Variants in SLC30A8 observed in about 807,000 individuals in gnomAD.
SLC30A8 encodes solute carrier family 30 member 8.
Under a neutral mutation model 36.9 loss-of-function variants are expected in SLC30A8, and 27 were observed. The ratio of observed to expected loss-of-function variants is 0.73; its 90% confidence interval spans 0.54 to 1.01. The LOEUF (loss-of-function observed/expected upper bound fraction) is 1.01, where lower values mean the gene tolerates loss of function less well. SLC30A8 is among the 50% of genes least tolerant of loss of function. The pLI is 0.00. For synonymous variants in SLC30A8, 164 were observed against 172.4 expected (o/e 0.95, Z 0.38); for missense variants, 439 against 452.0 (o/e 0.97, Z 0.26).
At chr8:116,979,063 C>T (rs1383150114) in intron 1 of SLC30A8, among the ~76,000 whole-genome samples, 2 of 150,970 alleles carry the variant, frequency 1.3e-5, no homozygotes, top group African/African-American at 4.9e-5. Context: ...ATGATGAAAC[C>T]CCGTCTCTAC....
chr8:117,054,253 C>T lies in SLC30A8; in HGVS notation c.-226+14995C>T, dbSNP rs548398703. Among the ~76,000 whole-genome samples, 25 of 152,008 alleles carry T rather than the reference C, an allele frequency of 1.6e-4. No homozygotes were observed. In the South Asian group the frequency reaches 4.6e-3, roughly 28 times the overall value. ...AGCTGGGACGACAGGCGTGTGGTAC[C>T]GCACCTGGCTATTTTTAAATTTTTT... On this transcript the variant is annotated intron_variant, in intron 2 of 10. Coordinates refer to the SLC30A8 transcript ENST00000427715.
intron 1 of SLC30A8, among the ~76,000 whole-genome samples, chr8:117,022,199 CA>C (rs5894361): frequency 0.53 from 74,101 of 140,960 alleles, 20,044 homozygotes; most frequent in African/African-American, 0.74. Flanking sequence ...GACTCCGTCT[CA>C]AAAAAAAAAA....
intron 1 of SLC30A8, among the ~76,000 whole-genome samples, chr8:117,139,526 A>C (rs1193168669): frequency 1.3e-5 from 2 of 152,142 alleles, no homozygotes; most frequent in Non-Finnish European, 2.9e-5. Context: ...TAAGCCACAC[A>C]GTCTGTGGTA....
intron 1 of SLC30A8, among the ~76,000 whole-genome samples, chr8:116,987,896 A>G (rs956202965): frequency 6.6e-6 from 1 of 152,078 alleles, no homozygotes; most frequent in Admixed American, 6.6e-5. Flanking sequence ...ATGGGGTTTT[A>G]CCATGTTGGC....
chr8:117,041,717 T>A (rs1253534567), intron 2 of SLC30A8, among the ~76,000 whole-genome samples: 1 of 151,734 alleles, frequency 6.6e-6, no homozygotes, highest in Non-Finnish European at 1.5e-5. Flanking sequence ...ATAAAAAAAA[T>A]TCTGATGGTT....
intron 1 of SLC30A8, among the ~76,000 whole-genome samples, chr8:116,979,690 G>T (rs6469666): frequency 6.6e-6 from 1 of 152,202 alleles, no homozygotes; most frequent in East Asian, 1.9e-4. Flanking sequence ...AACGCAAGTG[G>T]ATTCTTCATG....
intron 2 of SLC30A8, among the ~76,000 whole-genome samples, chr8:117,090,258 G>T (rs1237722408): frequency 3.9e-5 from 6 of 152,114 alleles, no homozygotes; most frequent in Admixed American, 2.0e-4. Flanking sequence ...CACTGCACCT[G>T]GCCAACTCCT....
At position 117,174,375 on chromosome 8, in the gene SLC30A8, A is replaced by AAATC. The variant is rs1285676583; in HGVS notation, c.*1700_*1703dup. On this transcript the variant is annotated 3_prime_UTR_variant, in exon 8 of 8. Transcript: ENST00000456015. Reference sequence around the variant, plus strand: ...GAGGTCACATCTGTGCCATCTCTGCAAATCAATCAGCACCACTGAAATAAC... The same window carrying AAATC: ...GAGGTCACATCTGTGCCATCTCTGCAAATCAATCAATCAGCACCACTGAAATAAC... The AAATC allele has an allele frequency of 2.0e-5, 3 of 152,690 alleles. No individual in the cohort carries two copies. Among genetic ancestry groups the AAATC allele is most frequent in the East Asian group, 1.9e-4 (1 of 5,160 alleles). The allele number at this position is 152,690 out of a possible 1,614,324, so 9.5% of individuals were successfully genotyped here. A position where few individuals can be genotyped will look rare whatever the true frequency, so the allele number is the denominator to read the frequency against.
At chr8:117,154,873 A>C (rs903128560) in intron 3 of SLC30A8, among the ~76,000 whole-genome samples, 1 of 152,162 alleles carries the variant, frequency 6.6e-6, no homozygotes, top group Non-Finnish European at 1.5e-5. Flanking sequence ...CTGAGCTATT[A>C]ATAGAACTCT....
intron 1 of SLC30A8, among the ~76,000 whole-genome samples, chr8:116,978,346 G>T (rs1281681951): frequency 1.3e-5 from 2 of 152,012 alleles, no homozygotes; most frequent in Non-Finnish European, 2.9e-5. Context: ...GGAAGGATGG[G>T]GTAAGAATTT....
chr8:117,153,395 C>T (rs1371354847), intron 3 of SLC30A8, among the ~76,000 whole-genome samples: 2 of 152,168 alleles, frequency 1.3e-5, no homozygotes, highest in Non-Finnish European at 2.9e-5. Context: ...TTAAATTACT[C>T]TGCATCCCTG....
chr8:117,115,825 T>C (rs971928148), intron 2 of SLC30A8, among the ~76,000 whole-genome samples: 27 of 151,972 alleles, frequency 1.8e-4, no homozygotes, highest in Non-Finnish European at 2.8e-4. Context: ...TTCTGAGATC[T>C]GGGGAGGCTC....
At chr8:117,010,690 T>C (rs765491475) in intron 1 of SLC30A8, among the ~76,000 whole-genome samples, 8 of 152,210 alleles carry the variant, frequency 5.3e-5, no homozygotes, top group Non-Finnish European at 8.8e-5. Context: ...AGAGGGTTCA[T>C]TGGCTCACAT....
intron 3 of SLC30A8, among the ~76,000 whole-genome samples, chr8:117,156,083 G>A (rs909813520): frequency 2.6e-5 from 4 of 151,216 alleles, no homozygotes; most frequent in Middle Eastern, 3.2e-3. Flanking sequence ...TCTGTTGCCC[G>A]GGATGGAGTG....
intron 1 of SLC30A8, among the ~76,000 whole-genome samples, chr8:116,968,273 A>G (rs1814667400): frequency 5.9e-5 from 9 of 151,566 alleles, no homozygotes; most frequent in Middle Eastern, 7.1e-3. Context: ...TTTATTCTCA[A>G]TAGCTTATTA....
chr8:116,991,625 C>A (rs530950456), intron 1 of SLC30A8, among the ~76,000 whole-genome samples: 3 of 152,224 alleles, frequency 2.0e-5, no homozygotes, highest in Admixed American at 2.0e-4. Flanking sequence ...CATTTTCTTA[C>A]AAAACTTAGA....
chr8:117,121,732 G>A (rs1231192264), intron 2 of SLC30A8, among the ~76,000 whole-genome samples: 1 of 152,040 alleles, frequency 6.6e-6, no homozygotes, highest in African/African-American at 2.4e-5. Flanking sequence ...AGTGAAATAA[G>A]CCAGTCACAA....
intron 1 of SLC30A8, among the ~76,000 whole-genome samples, chr8:117,003,878 A>G (rs1816091334): frequency 6.6e-6 from 1 of 152,198 alleles, no homozygotes; most frequent in African/African-American, 2.4e-5. Context: ...CTTGCTTATT[A>G]TCCTCTACAA....
rs1817839745 is a variant in SLC30A8, at chr8:117,055,391, C to T, written c.-226+16133C>T. Among the ~76,000 whole-genome samples the T allele has an allele frequency of 2.0e-5, 3 of 152,202 alleles. No homozygotes were observed. The South Asian group carries it at 6.2e-4, about 32-fold the overall frequency. ...TGTCCTTACTCTTAAATTACAGCTA[C>T]TGAAGCAAATCTTAACTTGGCTCCC... On this transcript the variant is annotated intron_variant, in intron 2 of 10. Transcript: ENST00000427715.
Sources: allele counts gnomAD v4.1 joint callset (sites outside exome capture counted in the v4.1 genomes callset), GRCh38; gene constraint gnomAD v4.1.1; transcripts MANE v1.5; gene names NCBI Gene and HGNC (gene_info 2026-07-23, HGNC 2026-07-21).